The following LPCAT1 variants were observed in gnomAD, a reference collection of about 807,000 sequenced individuals.
The protein encoded by LPCAT1 is lysophosphatidylcholine acyltransferase 1.
A neutral mutation model predicts 60.9 loss-of-function variants in LPCAT1; 23 were observed. That is an observed-to-expected ratio of 0.38 (90% CI 0.27 to 0.53). The LOEUF (loss-of-function observed/expected upper bound fraction) is 0.53, where lower values mean the gene tolerates loss of function less well. LPCAT1 is among the 20% of genes least tolerant of loss of function. The pLI is 0.82. For missense variants in LPCAT1, 622 were observed against 723.6 expected (o/e 0.86, Z 1.61); for synonymous variants, 340 against 301.1 (o/e 1.13, Z -1.34).
intron 6 of LPCAT1, among the ~76,000 whole-genome samples, chr5:1,482,655 T>A (rs868776880): frequency 2.1e-3 from 33 of 15,996 alleles, no homozygotes; most frequent in African/African-American, 6.1e-3. Flanking sequence ...AGAGCCGGGG[T>A]GGGCTGGGAT....
chr5:1,498,633 T>C (rs917436285), intron 2 of LPCAT1, among the ~76,000 whole-genome samples: 3 of 150,052 alleles, frequency 2.0e-5, no homozygotes, highest in South Asian at 4.4e-4. Flanking sequence ...CTTGCACATA[T>C]ACACACATAC....
intron 1 of LPCAT1, chr5:1,510,806 C>T (rs1031858760): frequency 6.6e-6 from 1 of 152,512 alleles, no homozygotes; most frequent in Non-Finnish European, 1.5e-5. Context: ...ATCTGTGGGA[C>T]ACTGGAACAT....
At chr5:1,491,406 A>G (rs1735577240) in intron 3 of LPCAT1, among the ~76,000 whole-genome samples, 1 of 151,624 alleles carries the variant, frequency 6.6e-6, no homozygotes, top group African/African-American at 2.4e-5. Context: ...TTTTGTGAAC[A>G]GAGTAGAGAT....
chr5:1,498,598 A>T (rs919232792), intron 2 of LPCAT1, among the ~76,000 whole-genome samples: 4 of 152,152 alleles, frequency 2.6e-5, no homozygotes, highest in African/African-American at 9.7e-5. Context: ...CATCATACAT[A>T]TGTGGACACC....
chr5:1,494,594 A>AATTC, intron 3 of LPCAT1, 106 bp downstream of exon 3: 1 of 1,043,348 alleles, frequency 9.6e-7, no homozygotes. Context: ...CAGAGGGGGG[A>AATTC]CCCTCACTCC....
chr5:1,470,639 G>T (rs1297371543), intron 12 of LPCAT1, among the ~76,000 whole-genome samples, 187 bp downstream of exon 12: 1 of 152,256 alleles, frequency 6.6e-6, no homozygotes, highest in Non-Finnish European at 1.5e-5. Context: ...AATCCAGGAA[G>T]AAATAAATCT....
In LPCAT1 at chr5:1,483,357, C is replaced by CA; in HGVS notation, c.726+70dup. 1 of 1,476,968 alleles carries CA rather than the reference C, an allele frequency of 6.8e-7. No homozygotes were observed. Among genetic ancestry groups the CA allele is most frequent in the Non-Finnish European group, 9.5e-7 (1 of 1,055,752 alleles). The allele number at this position is 1,476,968 out of a possible 1,614,324, so 91.5% of individuals were successfully genotyped here. The stretch of plus-strand genomic sequence containing the variant: ...GTGGAGAGACAGAGACACAGGTGCA[C>CA]AGAGGCAGCTCGCAGTTCCCGTTTC... On this transcript the variant is annotated intron_variant, in intron 6 of 13. Coordinates refer to ENST00000283415, the MANE Select transcript of LPCAT1 (RefSeq NM_024830.5). The surrounding 1 kb of genome is among the most constrained non-coding windows in gnomAD (Gnocchi z 9.2).
At chr5:1,494,587 AGG>A in intron 3 of LPCAT1, 111 bp downstream of exon 3, 1 of 1,004,848 alleles carries the variant, frequency 1.0e-6, no homozygotes. Context: ...TTCCCAACAG[AGG>A]GGGGACCCTC....
chr5:1,470,919 G>A lies in LPCAT1; in HGVS notation c.1185C>T (p.Gly395=), dbSNP rs1164265057. 6.2e-7 allele frequency: 1 copy of A among 1,612,686 alleles called. No homozygotes were observed. The highest frequency in any genetic ancestry group is 1.3e-5 in the African/African-American group (1 of 74,902). ...ACTCTCGCAGGTCCACCTCGCCGCT[G>A]CCGCTCTGTGGGGAGAGACGCTCTC... ...EDMFSLFDES[G]SGEVDLRECV... is the part of the protein sequence containing the mutation. Residue 395 remains glycine, a synonymous_variant, in exon 12 of 14, where the codon GGC becomes GGT. Coordinates refer to ENST00000283415, the MANE Select transcript of LPCAT1 (RefSeq NM_024830.5).
Position 1,463,658 on chromosome 5 carries a change from A to G in LPCAT1, c.1598T>C (p.Leu533Pro). 6.2e-7 allele frequency: 1 copy of G among 1,614,132 alleles called. No homozygotes were observed. Among genetic ancestry groups the G allele is most frequent in the Non-Finnish European group, 8.5e-7 (1 of 1,180,028 alleles). The change falls in exon 14 of 14, where the codon CTG becomes CCG. Residue 533 changes from leucine (L) to proline (P), a missense_variant. Physicochemically the swap from Leu to Pro is moderately conservative, Grantham distance 98 (BLOSUM62 -3). Transcript: ENST00000283415. ...TCTCCGCAACCCTGGGTCCTAATCC[A>G]GCTTCTTGCGAACAGGCTTCCGCCC... ...DAGRKPVRKK[L>P]D
At position 1,502,735 on chromosome 5, in the gene LPCAT1, T is replaced by C. The variant is rs574321808; in HGVS notation, c.136-1132A>G. Among the ~76,000 whole-genome samples, 1 of 152,186 alleles carries C rather than the reference T, an allele frequency of 6.6e-6. No homozygotes were observed. The highest frequency in any genetic ancestry group is 2.1e-4 in the South Asian group (1 of 4,810). On this transcript the variant is annotated intron_variant, in intron 1 of 13. Transcript: ENST00000283415. The surrounding 1 kb of genome is among the most constrained non-coding windows in gnomAD (Gnocchi z 5.5). ...AGACCCAGGAGACACAGATCGCAGTTGGCTCCCCAAGCAGCAGCCATCCCT... is the reference window on the plus strand; with the variant it reads ...AGACCCAGGAGACACAGATCGCAGTCGGCTCCCCAAGCAGCAGCCATCCCT...
At chr5:1,472,240 G>T (rs1734711635) in intron 11 of LPCAT1, among the ~76,000 whole-genome samples, 1 of 151,702 alleles carries the variant, frequency 6.6e-6, no homozygotes. Context: ...TCCCTGTTCA[G>T]AGAGCTGGGG....
chr5:1,477,574 A>C lies in LPCAT1; in HGVS notation c.817-88T>G, dbSNP rs1734973336. The C allele has an allele frequency of 4.1e-6, 4 of 980,744 alleles. No homozygotes were observed. The South Asian group carries it at 4.3e-5, about 10-fold the overall frequency. 60.8% of individuals were successfully genotyped at this position (980,744 alleles called of 1,614,324 possible). A position where few individuals can be genotyped will look rare whatever the true frequency, so the allele number is the denominator to read the frequency against. On this transcript the variant is annotated intron_variant, in intron 8 of 13. Transcript: ENST00000283415. This position sits in a 1 kb window ranked among gnomAD's most constrained non-coding sequence, Gnocchi z 6.0. The stretch of plus-strand genomic sequence containing the variant: ...CGACAACTGGGAGGCTGACAAAATT[A>C]AGATCTGTCAAAGTAACGCCCATTA...
chr5:1,473,873 T>C (rs1734788974), intron 11 of LPCAT1, 84 bp downstream of exon 11: 2 of 1,495,948 alleles, frequency 1.3e-6, no homozygotes, highest in Non-Finnish European at 1.8e-6. Flanking sequence ...TGTGAAAATA[T>C]ATTTATATTA....
intron 1 of LPCAT1, among the ~76,000 whole-genome samples, chr5:1,505,729 T>C (rs1217966054): frequency 6.6e-6 from 1 of 152,194 alleles, no homozygotes; most frequent in Non-Finnish European, 1.5e-5. Flanking sequence ...TACACATTCC[T>C]GCACCTACTC....
rs1446282840 is a variant in LPCAT1 at position 1,477,178 on chromosome 5, C to G, written c.899+226G>C. On this transcript the variant is annotated intron_variant, in intron 9 of 13. Coordinates refer to ENST00000283415, the MANE Select transcript of LPCAT1 (RefSeq NM_024830.5). This position sits in a 1 kb window ranked among gnomAD's most constrained non-coding sequence, Gnocchi z 6.0. The stretch of plus-strand genomic sequence containing the variant: ...ACGGCTGCAGGCAGGTCTGGAAGAA[C>G]CAGTCATGCATCTTCCCAACGTCAA... 6.6e-6 allele frequency among the ~76,000 whole-genome samples: 1 copy of G among 152,194 alleles called. No individual in the cohort carries two copies. The highest frequency in any genetic ancestry group is 1.5e-5 in the Non-Finnish European group (1 of 68,050).
chr5:1,483,545 G>A lies in LPCAT1; in HGVS notation c.668-59C>T. 1 of 1,557,536 alleles carries A rather than the reference G, an allele frequency of 6.4e-7. No individual in the cohort carries two copies. The highest frequency in any genetic ancestry group is 8.8e-7 in the Non-Finnish European group (1 of 1,132,184). On this transcript the variant is annotated intron_variant, in intron 5 of 13. Coordinates refer to ENST00000283415, the MANE Select transcript of LPCAT1 (RefSeq NM_024830.5). The surrounding 1 kb of genome is among the most constrained non-coding windows in gnomAD (Gnocchi z 9.2). ...CAGCCCACGCAGGACAGCGTCTGCTGCGTTTCTCATGCTGCCCTTGGGATA... is the reference window on the plus strand; with the variant it reads ...CAGCCCACGCAGGACAGCGTCTGCTACGTTTCTCATGCTGCCCTTGGGATA...
chr5:1,509,058 A>C (rs373211671), intron 1 of LPCAT1, among the ~76,000 whole-genome samples: 2 of 152,238 alleles, frequency 1.3e-5, no homozygotes, highest in African/African-American at 4.8e-5. Flanking sequence ...CTCCGAGCCC[A>C]CTTGTTGGAG....
At chr5:1,508,051 CCCG>C (rs1736239826) in intron 1 of LPCAT1, among the ~76,000 whole-genome samples, 1 of 152,202 alleles carries the variant, frequency 6.6e-6, no homozygotes, top group Non-Finnish European at 1.5e-5. Context: ...CATCTATTGA[CCCG>C]GAGGGGGTCC....
Sources: allele counts gnomAD v4.1 joint callset (sites outside exome capture counted in the v4.1 genomes callset), GRCh38; gene constraint gnomAD v4.1.1; non-coding constraint Gnocchi (gnomAD v3.1); transcripts MANE v1.5; gene names NCBI Gene and HGNC (gene_info 2026-07-23, HGNC 2026-07-21).